The following ZFYVE28 variants were observed in gnomAD, a reference collection of about 807,000 sequenced individuals.
ZFYVE28 encodes zinc finger FYVE-type containing 28, also known as lateral signaling target protein 2 homolog.
A neutral mutation model predicts 82.1 loss-of-function variants in ZFYVE28; 40 were observed. That is an observed-to-expected ratio of 0.49 (90% CI 0.38 to 0.63). ZFYVE28 has a LOEUF of 0.63. ZFYVE28 is among the 30% of genes least tolerant of loss of function. ZFYVE28 has a pLI of 0.00. For missense variants in ZFYVE28, 1,321 were observed against 1,242.1 expected (o/e 1.06, Z -0.96); for synonymous variants, 612 against 546.1 (o/e 1.12, Z -1.68).
rs542755746 is a variant in ZFYVE28, at chr4:2,375,950, T to G, written c.40-21877A>C. Among the ~76,000 whole-genome samples, 6 of 151,994 alleles carry G rather than the reference T, an allele frequency of 3.9e-5. No individual in the cohort carries two copies. In the East Asian group the frequency reaches 9.7e-4, roughly 25 times the overall value. ...GTGCAATGGCACAATCTTGGCTCAC[T>G]GCAACCTCTGCCTCCTGGGTTCAAG... On this transcript the variant is annotated intron_variant, in intron 1 of 12. Coordinates refer to ENST00000290974, the MANE Select transcript of ZFYVE28 (RefSeq NM_020972.3).
At chr4:2,371,649 AACAG>A (rs903445024) in intron 1 of ZFYVE28, among the ~76,000 whole-genome samples, 11 of 152,242 alleles carry the variant, frequency 7.2e-5, no homozygotes, top group Admixed American at 7.2e-4. Flanking sequence ...CAGGGCAAAA[AACAG>A]ACAAACAAAC....
At chr4:2,275,495 C>G (rs572585345) in intron 8 of ZFYVE28, among the ~76,000 whole-genome samples, 2 of 152,036 alleles carry the variant, frequency 1.3e-5, no homozygotes, top group South Asian at 4.2e-4. Context: ...GATGCAAAAT[C>G]TTTTCTCTAC....
At chr4:2,336,677 T>C (rs997041120) in intron 5 of ZFYVE28, among the ~76,000 whole-genome samples, 3 of 115,738 alleles carry the variant, frequency 2.6e-5, no homozygotes, top group East Asian at 4.0e-4. Context: ...GATGTGAGGA[T>C]TGAGGAGGTG....
chr4:2,366,834 C>T (rs1197979005), intron 1 of ZFYVE28, among the ~76,000 whole-genome samples: 2 of 152,246 alleles, frequency 1.3e-5, no homozygotes, highest in Non-Finnish European at 2.9e-5. Context: ...CATGCAAAGA[C>T]ATCCTCCTTA....
chr4:2,312,433 TAGA>T (rs1717589472), intron 7 of ZFYVE28, among the ~76,000 whole-genome samples: 1 of 151,738 alleles, frequency 6.6e-6, no homozygotes, highest in African/African-American at 2.4e-5. Flanking sequence ...AGGAATTATT[TAGA>T]AGTGTTTTGG....
intron 2 of ZFYVE28, among the ~76,000 whole-genome samples, chr4:2,345,675 C>G (rs941948544): frequency 6.6e-6 from 1 of 151,178 alleles, no homozygotes; most frequent in Non-Finnish European, 1.5e-5. Flanking sequence ...TAAATATAAA[C>G]TCATAGAACC....
rs1288154820 is a variant in ZFYVE28, at chr4:2,270,629, C to T, written c.*96G>A. On this transcript the variant is annotated 3_prime_UTR_variant, in exon 13 of 13. Transcript: ENST00000290974. ...CTGGGTGCCCCTGCAGCAGCGGCAGCGGCCTCATGAGACGCAGTGAGACCT... is the reference window on the plus strand; with the variant it reads ...CTGGGTGCCCCTGCAGCAGCGGCAGTGGCCTCATGAGACGCAGTGAGACCT... 1.5e-5 allele frequency: 23 copies of T among 1,535,514 alleles called. No homozygotes were observed. The highest frequency in any genetic ancestry group is 1.9e-4 in the Middle Eastern group (1 of 5,278).
intron 1 of ZFYVE28, among the ~76,000 whole-genome samples, chr4:2,359,298 G>A (rs115831402): frequency 0.013 from 2,027 of 152,098 alleles, 20 homozygotes; most frequent in Middle Eastern, 0.034. Flanking sequence ...GCCAATTTTT[G>A]TATTTTTTGT....
chr4:2,391,234 TC>T (rs763013537), intron 1 of ZFYVE28, among the ~76,000 whole-genome samples: 2 of 152,142 alleles, frequency 1.3e-5, no homozygotes, highest in Non-Finnish European at 2.9e-5. Flanking sequence ...TTCCGCATCG[TC>T]CCCACGGCCG....
chr4:2,332,566 A>G lies in ZFYVE28; in HGVS notation c.701+3139T>C, dbSNP rs1255210154. ...GCCCATCTGTCCATCTCCCTGGTAC[A>G]AGCACAGGGCGAGGTATGCAGTAGG... is the stretch of plus-strand genomic sequence containing the variant. On this transcript the variant is annotated intron_variant, in intron 6 of 12. Coordinates refer to ENST00000290974, the MANE Select transcript of ZFYVE28 (RefSeq NM_020972.3). The surrounding 1 kb of genome is among the most constrained non-coding windows in gnomAD (Gnocchi z 4.7). Among the ~76,000 whole-genome samples, 3 of 152,188 alleles carry G rather than the reference A, an allele frequency of 2.0e-5. No individual in the cohort carries two copies. Among genetic ancestry groups the G allele is most frequent in the Non-Finnish European group, 4.4e-5 (3 of 68,016 alleles).
chr4:2,289,602 C>T (rs551366504), intron 8 of ZFYVE28, among the ~76,000 whole-genome samples: 185 of 152,272 alleles, frequency 1.2e-3, no homozygotes, highest in African/African-American at 3.9e-3. Flanking sequence ...GCAGCCCCAT[C>T]GCCCCCTGGG....
intron 1 of ZFYVE28, among the ~76,000 whole-genome samples, chr4:2,374,963 C>T (rs1727962465): frequency 6.6e-6 from 1 of 152,244 alleles, no homozygotes; most frequent in East Asian, 1.9e-4. Flanking sequence ...GGACAGAGCC[C>T]AGTCCTCCTG....
chr4:2,403,186 CAG>C (rs1247896339), intron 1 of ZFYVE28, among the ~76,000 whole-genome samples: 1 of 152,230 alleles, frequency 6.6e-6, no homozygotes, highest in Non-Finnish European at 1.5e-5. Context: ...CCCTGAGCCC[CAG>C]CTCCTCACAG....
chr4:2,303,793 C>G (rs1303931150), intron 8 of ZFYVE28, among the ~76,000 whole-genome samples: 1 of 152,238 alleles, frequency 6.6e-6, no homozygotes, highest in Non-Finnish European at 1.5e-5. Flanking sequence ...GTCTCCGCGC[C>G]CACGGCCACG....
In ZFYVE28 at chr4:2,409,134, C is replaced by A. The variant is rs1220300964; in HGVS notation, c.39+9151G>T. ...CCCGTGGAGTTGCATGGCCATCAAACACACTGTCCAAACCCCTACTTCTGC... is the reference window on the plus strand; with the variant it reads ...CCCGTGGAGTTGCATGGCCATCAAAAACACTGTCCAAACCCCTACTTCTGC... On this transcript the variant is annotated intron_variant, in intron 1 of 12. Coordinates refer to ENST00000290974, the MANE Select transcript of ZFYVE28 (RefSeq NM_020972.3). The surrounding 1 kb of genome is among the most constrained non-coding windows in gnomAD (Gnocchi z 4.4). Among the ~76,000 whole-genome samples the A allele has an allele frequency of 6.6e-6, 1 of 151,216 alleles. No homozygotes were observed. The highest frequency in any genetic ancestry group is 2.4e-5 in the African/African-American group (1 of 41,036).
At chr4:2,366,767 G>A (rs373616678) in intron 1 of ZFYVE28, among the ~76,000 whole-genome samples, 55 of 152,324 alleles carry the variant, frequency 3.6e-4, no homozygotes, top group Non-Finnish European at 6.2e-4. Flanking sequence ...CCCAGAAGCC[G>A]GACCCTGGCT....
intron 7 of ZFYVE28, among the ~76,000 whole-genome samples, chr4:2,312,726 CAAAAAAAAAAAAAA>C (rs1170479977): frequency 9.2e-5 from 6 of 64,932 alleles, no homozygotes; most frequent in African/African-American, 3.3e-4. Flanking sequence ...GACTCTGCCT[CAAAAAAAAAAAAAA>C]AAAAAAAAAA....
In ZFYVE28 at chr4:2,377,207, C is replaced by G. The variant is rs370038611; in HGVS notation, c.40-23134G>C. Among the ~76,000 whole-genome samples the G allele has an allele frequency of 4.6e-3, 660 of 144,864 alleles. 6 individuals are homozygous for G. Among genetic ancestry groups the G allele is most frequent in the African/African-American group, 0.016 (595 of 37,010 alleles). The stretch of plus-strand genomic sequence containing the variant: ...CAGCTAATTTTTTGTATTTTTAGTA[C>G]AGACAGGGTTTTGCCGTGTTAGCCA... On this transcript the variant is annotated intron_variant, in intron 1 of 12. Transcript: ENST00000290974.
At chr4:2,397,456 G>A (rs1730598753) in intron 1 of ZFYVE28, among the ~76,000 whole-genome samples, 1 of 148,092 alleles carries the variant, frequency 6.8e-6, no homozygotes, top group Non-Finnish European at 1.5e-5. Context: ...CCAGCCTGGG[G>A]GCCAGACTCG....
Sources: allele counts gnomAD v4.1 joint callset (sites outside exome capture counted in the v4.1 genomes callset), GRCh38; gene constraint gnomAD v4.1.1; non-coding constraint Gnocchi (gnomAD v3.1); transcripts MANE v1.5; gene names NCBI Gene and HGNC (gene_info 2026-07-23, HGNC 2026-07-21).